ADAM19: variants seen among roughly 807,000 people sequenced by gnomAD.
ADAM19 encodes the protein disintegrin and metalloproteinase domain-containing protein 19.
Under a neutral mutation model 114.7 loss-of-function variants are expected in ADAM19, and 65 were observed. That is an observed-to-expected ratio of 0.57 (90% CI 0.46 to 0.70). The LOEUF is 0.70. ADAM19 is among the 30% of genes least tolerant of loss of function. The probability of loss-of-function intolerance (pLI) is 0.00; values close to 1 mark genes in which losing one functional copy is unlikely to be tolerated. For synonymous variants in ADAM19, 466 were observed against 460.5 expected, an observed-to-expected ratio of 1.01 and a Z score of -0.15; for missense variants, 1,063 against 1,204.7, an observed-to-expected ratio of 0.88 and a Z score of 1.74.
At chr5:157,504,596 T>C (rs1045761907) in intron 11 of ADAM19, among the ~76,000 whole-genome samples, 6 of 151,904 alleles carry the variant, frequency 3.9e-5, no homozygotes, top group Admixed American at 2.6e-4. Flanking sequence ...TTTTAAAAAA[T>C]TGACACCAGA....
At chr5:157,533,445 C>G (rs927457364) in intron 4 of ADAM19, among the ~76,000 whole-genome samples, 1 of 152,168 alleles carries the variant, frequency 6.6e-6, no homozygotes, top group Non-Finnish European at 1.5e-5. Context: ...GGCTTCTCAA[C>G]CTACCCGTGG....
At chr5:157,521,262 T>C (rs931366011) in intron 5 of ADAM19, among the ~76,000 whole-genome samples, 2 of 152,060 alleles carry the variant, frequency 1.3e-5, no homozygotes, top group African/African-American at 4.8e-5. Flanking sequence ...ATAAACATGA[T>C]TGTAAAGGTA....
chr5:157,572,260 G>T (rs1757851943), intron 1 of ADAM19: 2 of 455,480 alleles, frequency 4.4e-6, no homozygotes, highest in African/African-American at 2.0e-5. Context: ...TAATTTTTTT[G>T]TATTTTTACT....
Position 157,502,792 on chromosome 5 carries a change from T to G in ADAM19, c.1308+11A>C. 1 of 1,612,592 alleles carries G rather than the reference T, an allele frequency of 6.2e-7. No individual in the cohort carries two copies. Among genetic ancestry groups the G allele is most frequent in the Middle Eastern group, 1.7e-4 (1 of 6,046 alleles). On this transcript the variant is annotated intron_variant, in intron 12 of 22. Coordinates refer to ENST00000257527, the MANE Select transcript of ADAM19 (RefSeq NM_033274.5). Reference sequence around the variant, plus strand: ...TCTTCCCCTCCCACTAGCACCATTGTGACCCCTCACCTCTTCTTCTCCACA... The same window carrying G: ...TCTTCCCCTCCCACTAGCACCATTGGGACCCCTCACCTCTTCTTCTCCACA...
At position 157,480,389 on chromosome 5, in the gene ADAM19, G is replaced by A; in HGVS notation, c.*560C>T. On this transcript the variant is annotated 3_prime_UTR_variant, in exon 23 of 23. Coordinates refer to ENST00000257527, the MANE Select transcript of ADAM19 (RefSeq NM_033274.5). ...GAGGGGACGTGGCTTGTCACATGCA[G>A]CCATACAGCCAGAAGCCGTTCCCTC... The A allele has an allele frequency of 1.0e-6, 1 of 988,588 alleles. No homozygotes were observed. The highest frequency in any genetic ancestry group is 1.2e-6 in the Non-Finnish European group (1 of 832,122). 61.2% of individuals were successfully genotyped at this position (988,588 alleles called of 1,614,324 possible).
chr5:157,565,710 C>CAA lies in ADAM19; in HGVS notation c.181-1269_181-1268dup, dbSNP rs111680236. 3.2e-3 allele frequency among the ~76,000 whole-genome samples: 332 copies of CAA among 103,778 alleles called. 1 individual carries two copies. The highest frequency in any genetic ancestry group is 0.011 in the African/African-American group (305 of 26,850). 68.1% of individuals were successfully genotyped at this position (103,778 alleles called of 152,430 possible). On this transcript the variant is annotated intron_variant, in intron 2 of 22. Coordinates refer to ENST00000257527, the MANE Select transcript of ADAM19 (RefSeq NM_033274.5). ...GGTGACAGAGCGAGACACTCTCTCT[C>CAA]AAAAAAAAAAAAAAATGTTTAGACT...
intron 18 of ADAM19, among the ~76,000 whole-genome samples, 175 bp downstream of exon 18, chr5:157,491,440 C>T (rs145177097): frequency 1.3e-5 from 2 of 152,370 alleles, no homozygotes; most frequent in South Asian, 2.1e-4. Flanking sequence ...CGTGTCCCCA[C>T]ACCACACTAT....
At chr5:157,518,777 T>C (rs749878180) in intron 7 of ADAM19, 46 bp downstream of exon 7, 2 of 1,414,276 alleles carry the variant, frequency 1.4e-6, no homozygotes, top group South Asian at 2.3e-5. Context: ...GAATGGAAGC[T>C]ATCAAGAGAG....
In ADAM19 at chr5:157,567,835, G is replaced by A. The variant is rs569245085; in HGVS notation, c.180+3060C>T. On this transcript the variant is annotated intron_variant, in intron 2 of 22. Transcript: ENST00000257527. ...AAATAAAAAAGAAAGAAAGAAAGAC[G>A]ACACAGCAACAGAGCTACAGCAATT... is the stretch of plus-strand genomic sequence containing the variant. Among the ~76,000 whole-genome samples, 232 of 151,638 alleles carry A rather than the reference G, an allele frequency of 1.5e-3. 1 individual carries two copies. The highest frequency in any genetic ancestry group is 5.1e-3 in the African/African-American group (212 of 41,360).
intron 8 of ADAM19, among the ~76,000 whole-genome samples, chr5:157,511,427 G>C (rs1755916954): frequency 1.3e-5 from 2 of 152,176 alleles, no homozygotes; most frequent in African/African-American, 4.8e-5. Flanking sequence ...GCCTATTTGT[G>C]ACCCTTTACT....
chr5:157,520,109 C>T, intron 5 of ADAM19, 78 bp from the exon 6 acceptor site: 1 of 1,396,656 alleles, frequency 7.2e-7, no homozygotes, highest in Non-Finnish European at 9.8e-7. Flanking sequence ...TTAGTTTCTC[C>T]ATATGCAAAA....
chr5:157,482,671 A>T (rs775281466), intron 21 of ADAM19, among the ~76,000 whole-genome samples: 1 of 152,220 alleles, frequency 6.6e-6, no homozygotes, highest in Non-Finnish European at 1.5e-5. Flanking sequence ...ATCTAGAACT[A>T]GAAATACCAT....
At chr5:157,526,712 C>G (rs778282161) in intron 5 of ADAM19, among the ~76,000 whole-genome samples, 1 of 151,908 alleles carries the variant, frequency 6.6e-6, no homozygotes, top group Non-Finnish European at 1.5e-5. Context: ...CCTCTGCCTC[C>G]CGGGTTCAAA....
Position 157,519,976 on chromosome 5 carries a change from T to C in ADAM19, c.463A>G (p.Ser155Gly), listed in dbSNP as rs1455124233. 1 of 1,614,208 alleles carries C rather than the reference T, an allele frequency of 6.2e-7. No individual in the cohort carries two copies. Reference protein sequence around the residue: ...LSYVIEPLPDSKGQHLIYRSE... With the variant: ...LSYVIEPLPDGKGQHLIYRSE... ...CTGTAAATAAGGTGTTGGCCCTTGCTGTCAGGGAGGGGCTCGATGACGTAG... is the reference window on the plus strand; with the variant it reads ...CTGTAAATAAGGTGTTGGCCCTTGCCGTCAGGGAGGGGCTCGATGACGTAG... Residue 155 changes from serine (S) to glycine (G), a missense_variant, in exon 6 of 23, where the codon AGC (serine) becomes GGC (glycine). By Grantham distance (56) the Ser-to-Gly change is moderately conservative. Around this residue, in one of 3 missense-constraint regions of ADAM19, gnomAD observed 615 missense variants for 706.3 expected, o/e 0.87. Transcript: ENST00000257527.
At chr5:157,487,904 T>C (rs889638031) in intron 21 of ADAM19, among the ~76,000 whole-genome samples, 2 of 151,982 alleles carry the variant, frequency 1.3e-5, no homozygotes, top group Non-Finnish European at 2.9e-5. Flanking sequence ...GAGCAGGAGG[T>C]GGCCCCACCA....
chr5:157,551,296 C>T (rs61283067), intron 3 of ADAM19, among the ~76,000 whole-genome samples: 24 of 150,636 alleles, frequency 1.6e-4, no homozygotes, highest in Non-Finnish European at 3.2e-4. Context: ...CTCAGCTACT[C>T]GGGAGGCTGA....
chr5:157,539,036 G>T (rs1191954803), intron 3 of ADAM19, among the ~76,000 whole-genome samples: 1 of 151,844 alleles, frequency 6.6e-6, no homozygotes, highest in Non-Finnish European at 1.5e-5. Flanking sequence ...GTGGTAGCAG[G>T]TGCCTAGCTG....
intron 3 of ADAM19, among the ~76,000 whole-genome samples, chr5:157,560,633 G>C (rs888323007): frequency 2.8e-4 from 42 of 152,214 alleles, no homozygotes; most frequent in Non-Finnish European, 1.5e-5. Flanking sequence ...TCTCATTTCT[G>C]CTCCTCCCTC....
intron 14 of ADAM19, among the ~76,000 whole-genome samples, chr5:157,496,525 A>C (rs1442786335): frequency 6.6e-6 from 1 of 152,186 alleles, no homozygotes; most frequent in Non-Finnish European, 1.5e-5. Flanking sequence ...CAGTCTTTGC[A>C]ATCTGATATA....
Sources: gnomAD v4.1 joint callset for allele counts (sites outside exome capture counted in the v4.1 genomes callset) on GRCh38, gnomAD v4.1.1 for gene constraint, gnomAD v4.1.1 regional missense constraint, MANE v1.5 for transcripts, NCBI Gene and HGNC (gene_info 2026-07-23, HGNC 2026-07-21) for gene names.